The following HAO2 variants were observed in gnomAD, a reference collection of about 807,000 sequenced individuals.
HAO2 encodes hydroxyacid oxidase 2, also known as 2-Hydroxyacid oxidase 2.
Under a neutral mutation model 37.4 loss-of-function variants are expected in HAO2, and 42 were observed. The ratio of observed to expected loss-of-function variants is 1.12; its 90% CI spans 0.88 to 1.45. The LOEUF is 1.45. Among genes scored for constraint, HAO2 ranks in the 40% most tolerant of loss-of-function variants. The pLI, the probability that HAO2 is intolerant of heterozygous loss-of-function variation, is 0.00. For missense variants in HAO2, 476 were observed against 430.2 expected (o/e 1.11, Z -0.94); for synonymous variants, 180 against 162.8 (o/e 1.11, Z -0.81).
chr1:119,386,584 G>A (rs1370240977), intron 4 of HAO2, 38 bp from the exon 5 acceptor site: 2 of 1,270,090 alleles, frequency 1.6e-6, no homozygotes, highest in Non-Finnish European at 1.2e-6. Context: ...GTAGCCTTGT[G>A]AGAGCTCAGG....
Position 119,369,797 on chromosome 1 carries a change from G to A in HAO2, c.-9+895G>A, listed in dbSNP as rs143598726. Among the ~76,000 whole-genome samples, 666 of 152,158 alleles carry A rather than the reference G, an allele frequency of 4.4e-3. 2 individuals carry two copies. Among genetic ancestry groups the A allele is most frequent in the Middle Eastern group, 0.014 (4 of 294 alleles). ...AGGGACTCCTGTTGTACTCTAAATC[G>A]TATCAGCTATCAAATGATGAGCTAT... On this transcript the variant is annotated intron_variant, in intron 1 of 7. Transcript: ENST00000325945.
At chr1:119,369,154 A>T (rs1648751489) in intron 1 of HAO2, 1 of 152,212 alleles carries the variant, frequency 6.6e-6, no homozygotes. Flanking sequence ...ATGGTGGAAT[A>T]TTCGTGGGTG....
At chr1:119,381,545 C>A (rs879049558) in intron 2 of HAO2, among the ~76,000 whole-genome samples, 7 of 152,156 alleles carry the variant, frequency 4.6e-5, no homozygotes, top group African/African-American at 1.7e-4. Context: ...AGGCCTAGAT[C>A]TCCTGAGTTC....
chr1:119,386,962 ATCT>A, intron 5 of HAO2, 131 bp downstream of exon 5: 1 of 650,780 alleles, frequency 1.5e-6, no homozygotes, highest in Admixed American at 2.5e-5. Flanking sequence ...GTTGGTATGT[ATCT>A]GTGAATTTTA....
At chr1:119,373,174 G>T (rs1218021341) in intron 1 of HAO2, among the ~76,000 whole-genome samples, 1 of 152,146 alleles carries the variant, frequency 6.6e-6, no homozygotes, top group African/African-American at 2.4e-5. Context: ...AGTTTATTCC[G>T]TATTCCAACT....
At chr1:119,373,054 G>A (rs587709570) in intron 1 of HAO2, among the ~76,000 whole-genome samples, 12 of 152,320 alleles carry the variant, frequency 7.9e-5, no homozygotes, top group African/African-American at 2.6e-4. Flanking sequence ...GACTTGGAGC[G>A]AAGACATGTA....
At position 119,392,362 on chromosome 1, in the gene HAO2, C is replaced by G. The variant is rs137958705; in HGVS notation, c.930+94C>G. ...TTCATTTTCCAAGCTTAGACATTTT[C>G]AAAATGATTCCTAAAGGATAGTTAC... On this transcript the variant is annotated intron_variant, in intron 6 of 7. Coordinates refer to ENST00000325945, the MANE Select transcript of HAO2 (RefSeq NM_016527.4). The G allele has an allele frequency of 3.1e-3, 3,399 of 1,084,974 alleles. 15 individuals are homozygous for G. The highest frequency in any genetic ancestry group is 7.2e-3 in the Middle Eastern group (23 of 3,198). 67.2% of individuals were successfully genotyped at this position (1,084,974 alleles called of 1,614,324 possible). A position where few individuals can be genotyped will look rare whatever the true frequency, so the allele number is the denominator to read the frequency against.
At chr1:119,381,415 C>G (rs1649930282) in intron 2 of HAO2, among the ~76,000 whole-genome samples, 199 bp downstream of exon 2, 1 of 152,100 alleles carries the variant, frequency 6.6e-6, no homozygotes, top group Admixed American at 6.5e-5. Flanking sequence ...GAGGGAATTT[C>G]TGTTATAGCC....
intron 1 of HAO2, among the ~76,000 whole-genome samples, chr1:119,378,632 C>T (rs947886745): frequency 3.3e-5 from 5 of 152,120 alleles, no homozygotes; most frequent in African/African-American, 9.7e-5. Flanking sequence ...TTCTTTATGT[C>T]CAAGCAGCTT....
At position 119,381,230 on chromosome 1, in the gene HAO2, T is replaced by C. The variant is rs112981530; in HGVS notation, c.131+14T>C. 1 of 1,598,152 alleles carries C rather than the reference T, an allele frequency of 6.3e-7. No individual in the cohort carries two copies. The highest frequency in any genetic ancestry group is 8.6e-7 in the Non-Finnish European group (1 of 1,165,590). ...AGCATTTAAAAGGTGTGGTCTTCTG[T>C]AGCCTGTCTATTGTTAGGTTAAGGT... On this transcript the variant is annotated intron_variant, in intron 2 of 7. Transcript: ENST00000325945.
chr1:119,380,356 T>C (rs1649820228), intron 1 of HAO2: 1 of 280,788 alleles, frequency 3.6e-6, no homozygotes, highest in Admixed American at 5.0e-5. Context: ...CATACATTGT[T>C]TCTCAGGTAC....
chr1:119,391,698 C>G (rs1394012407), intron 5 of HAO2, among the ~76,000 whole-genome samples: 1 of 152,146 alleles, frequency 6.6e-6, no homozygotes, highest in Non-Finnish European at 1.5e-5. Flanking sequence ...GCCAAAAAGA[C>G]TTAGTGCCTT....
At chr1:119,389,166 A>ACGTATATATATATGTGTGTG (rs1476553018) in intron 5 of HAO2, among the ~76,000 whole-genome samples, 1 of 98,766 alleles carries the variant, frequency 1.0e-5, no homozygotes, top group Non-Finnish European at 2.1e-5. Context: ...ATATATATAT[A>ACGTATATATATATGTGTGTG]TACACCACAG....
chr1:119,370,546 G>A (rs1648899734), intron 1 of HAO2, among the ~76,000 whole-genome samples: 1 of 152,192 alleles, frequency 6.6e-6, no homozygotes, highest in Non-Finnish European at 1.5e-5. Context: ...CCTCATGGCA[G>A]CCCTATGGGA....
intron 1 of HAO2, among the ~76,000 whole-genome samples, chr1:119,372,030 C>T (rs931240055): frequency 1.6e-4 from 24 of 152,156 alleles, no homozygotes; most frequent in Admixed American, 1.4e-3. Context: ...ACTTGGAGGG[C>T]ATTTGTTTGA....
At chr1:119,380,691 T>A in intron 1 of HAO2, 1 of 1,602,152 alleles carries the variant, frequency 6.2e-7, no homozygotes, top group Non-Finnish European at 8.5e-7. Flanking sequence ...CCCAGGAAGC[T>A]GATGGAAGAC....
intron 5 of HAO2, among the ~76,000 whole-genome samples, chr1:119,390,351 A>T (rs1650780355): frequency 6.6e-6 from 1 of 152,166 alleles, no homozygotes; most frequent in South Asian, 2.1e-4. Context: ...TCCCAGGTTC[A>T]AGCAATTCTC....
At chr1:119,391,772 G>T (rs1333002040) in intron 5 of HAO2, among the ~76,000 whole-genome samples, 1 of 152,182 alleles carries the variant, frequency 6.6e-6, no homozygotes, top group Non-Finnish European at 1.5e-5. Context: ...AAAATCAAAA[G>T]TCAAAATGTT....
chr1:119,377,355 T>C (rs1377755630), intron 1 of HAO2, among the ~76,000 whole-genome samples: 1 of 152,162 alleles, frequency 6.6e-6, no homozygotes, highest in Non-Finnish European at 1.5e-5. Context: ...CTCATCTCCA[T>C]CTGAGACCAC....
Sources: gnomAD v4.1 joint callset for allele counts (sites outside exome capture counted in the v4.1 genomes callset) on GRCh38, gnomAD v4.1.1 for gene constraint, MANE v1.5 for transcripts, NCBI Gene and HGNC (gene_info 2026-07-23, HGNC 2026-07-21) for gene names.